The following FAM222A variants were observed in gnomAD, a reference collection of about 807,000 sequenced individuals.
FAM222A encodes the protein protein FAM222A.
In FAM222A, 7 loss-of-function variants were observed where a neutral mutation model predicts 25.8. The ratio of observed to expected loss-of-function variants is 0.27; its 90% CI spans 0.15 to 0.51. FAM222A has a LOEUF of 0.51. FAM222A is among the 20% of genes least tolerant of loss of function. The pLI, the probability that FAM222A is intolerant of heterozygous loss-of-function variation, is 0.97. For missense variants in FAM222A, 573 were observed against 640.5 expected (o/e 0.89, Z 1.14); for synonymous variants, 294 against 298.8 (o/e 0.98, Z 0.17).
chr12:109,768,162 C>T lies in FAM222A; in HGVS notation c.233C>T (p.Thr78Ile). 1 of 1,613,898 alleles carries T rather than the reference C, an allele frequency of 6.2e-7. No individual in the cohort carries two copies. The highest frequency in any genetic ancestry group is 8.5e-7 in the Non-Finnish European group (1 of 1,180,014). ...RVPQHKHLSR[T>I]VNGYDTSGQR... ...CCCCAGCACAAGCACCTCAGCCGCACAGTCAATGGCTATGACACCAGTGGC... is the reference window on the plus strand; with the variant it reads ...CCCCAGCACAAGCACCTCAGCCGCATAGTCAATGGCTATGACACCAGTGGC... The change falls in exon 3 of 3, where the codon ACA (threonine) becomes ATA (isoleucine). Residue 78 changes from threonine (T) to isoleucine (I), a missense_variant. This residue lies in a region of FAM222A where 112 missense variants were observed against 154.6 expected (regional missense o/e 0.72). Coordinates refer to ENST00000538780, the MANE Select transcript of FAM222A (RefSeq NM_032829.3).
chr12:109,736,370 T>G (rs1347940948), intron 1 of FAM222A, among the ~76,000 whole-genome samples: 1 of 152,224 alleles, frequency 6.6e-6, no homozygotes, highest in East Asian at 1.9e-4. Flanking sequence ...CCTGGCACTT[T>G]GTTGTAAGGA....
chr12:109,719,388 T>G (rs940154903), intron 1 of FAM222A, among the ~76,000 whole-genome samples: 1 of 152,144 alleles, frequency 6.6e-6, no homozygotes, highest in African/African-American at 2.4e-5. Flanking sequence ...TTCCCACTCC[T>G]CTTCCCACCC....
intron 1 of FAM222A, among the ~76,000 whole-genome samples, chr12:109,743,499 T>C (rs951040042): frequency 7.9e-5 from 12 of 152,068 alleles, no homozygotes; most frequent in African/African-American, 2.9e-4. Flanking sequence ...TGATGGCCCA[T>C]TGGGGCTGGG....
At chr12:109,741,532 C>G (rs1368457079) in intron 1 of FAM222A, among the ~76,000 whole-genome samples, 1 of 152,198 alleles carries the variant, frequency 6.6e-6, no homozygotes, top group Non-Finnish European at 1.5e-5. Context: ...GCGACCTGCC[C>G]CTTCCCCAAC....
At chr12:109,722,320 T>A (rs1887760088) in intron 1 of FAM222A, among the ~76,000 whole-genome samples, 1 of 152,214 alleles carries the variant, frequency 6.6e-6, no homozygotes, top group African/African-American at 2.4e-5. Flanking sequence ...GGCAGCTCTT[T>A]CAGCAGAGTA....
intron 2 of FAM222A, among the ~76,000 whole-genome samples, chr12:109,763,479 C>T (rs1243177266): frequency 6.6e-6 from 1 of 152,228 alleles, no homozygotes; most frequent in African/African-American, 2.4e-5. Context: ...GCTGCACTCT[C>T]ATCCAAAGGC....
intron 2 of FAM222A, among the ~76,000 whole-genome samples, chr12:109,748,781 G>C (rs1242201899): frequency 1.3e-5 from 2 of 152,030 alleles, no homozygotes; most frequent in East Asian, 1.9e-4. Context: ...TAATGATACT[G>C]TCTATCCCCT....
intron 2 of FAM222A, among the ~76,000 whole-genome samples, chr12:109,747,003 C>T (rs1888413851): frequency 6.6e-6 from 1 of 152,188 alleles, no homozygotes; most frequent in Non-Finnish European, 1.5e-5. Context: ...CTGAAATGCT[C>T]CAATGAGCAT....
At position 109,768,235 on chromosome 12, in the gene FAM222A, T is replaced by C. The variant is rs1313458709; in HGVS notation, c.306T>C (p.Leu102=). 1 of 1,611,284 alleles carries C rather than the reference T, an allele frequency of 6.2e-7. No individual in the cohort carries two copies. ...AGCACACCGCTGGCTACCAGGGCCT[T>C]CTGGCCATTGTCAAGGCCGCGGTTT... The part of the protein sequence containing the change: ...YPQHTAGYQG[L]LAIVKAAVSS... The change falls in exon 3 of 3, where the codon CTT becomes CTC. Residue 102 remains leucine, a synonymous_variant. Coordinates refer to ENST00000538780, the MANE Select transcript of FAM222A (RefSeq NM_032829.3).
chr12:109,759,929 G>A (rs927589289), intron 2 of FAM222A, among the ~76,000 whole-genome samples: 1 of 152,210 alleles, frequency 6.6e-6, no homozygotes, highest in African/African-American at 2.4e-5. Context: ...ATCTAGCCCA[G>A]GAGAAAAGTA....
intron 2 of FAM222A, among the ~76,000 whole-genome samples, chr12:109,752,559 A>G (rs1426329340): frequency 6.6e-6 from 1 of 152,218 alleles, no homozygotes; most frequent in Non-Finnish European, 1.5e-5. Context: ...CAGCCAAGGG[A>G]GAAAGGTCTC....
At chr12:109,759,440 C>T (rs1716995107) in intron 2 of FAM222A, among the ~76,000 whole-genome samples, 1 of 152,164 alleles carries the variant, frequency 6.6e-6, no homozygotes, top group South Asian at 2.1e-4. Flanking sequence ...CTGCCCTGCC[C>T]CCTCCTCAGC....
chr12:109,715,505 A>C (rs1217259126), intron 1 of FAM222A, among the ~76,000 whole-genome samples: 1 of 150,772 alleles, frequency 6.6e-6, no homozygotes, highest in Non-Finnish European at 1.5e-5. Context: ...ACTTGCCTTG[A>C]CCCAAGGCCG....
chr12:109,750,316 A>G (rs1174657608), intron 2 of FAM222A, among the ~76,000 whole-genome samples: 1 of 152,160 alleles, frequency 6.6e-6, no homozygotes, highest in Non-Finnish European at 1.5e-5. Flanking sequence ...CATATTTTCA[A>G]AACTCTATTG....
intron 1 of FAM222A, among the ~76,000 whole-genome samples, chr12:109,741,579 A>AG (rs1888241191): frequency 6.6e-6 from 1 of 152,174 alleles, no homozygotes; most frequent in South Asian, 2.1e-4. Flanking sequence ...TCAACTGCAA[A>AG]GCATGTGGGA....
Position 109,714,220 on chromosome 12 carries a change from G to A in FAM222A, c.-724G>A. On this transcript the variant is annotated 5_prime_UTR_variant, in exon 1 of 3. Transcript: ENST00000538780. This position sits in a 1 kb window ranked among gnomAD's most constrained non-coding sequence, Gnocchi z 4.2. The stretch of plus-strand genomic sequence containing the variant: ...GCCCGCTGCCGCCGCCGCCGCCGCT[G>A]CCGCCGCCGCTGTTCGCCGGCTTCC... The A allele has an allele frequency of 5.4e-6, 1 of 186,840 alleles. No individual in the cohort carries two copies. Among genetic ancestry groups the A allele is most frequent in the South Asian group, 5.9e-5 (1 of 16,890 alleles). 11.6% of individuals were successfully genotyped at this position (186,840 alleles called of 1,614,324 possible).
chr12:109,752,358 G>A (rs1312421376), intron 2 of FAM222A, among the ~76,000 whole-genome samples: 1 of 152,266 alleles, frequency 6.6e-6, no homozygotes, highest in Non-Finnish European at 1.5e-5. Flanking sequence ...GAGATAAGCA[G>A]CTAATTGAAT....
intron 1 of FAM222A, among the ~76,000 whole-genome samples, chr12:109,724,088 G>A (rs1887798665): frequency 6.6e-6 from 1 of 152,236 alleles, no homozygotes; most frequent in Admixed American, 6.5e-5. Context: ...GGGCAGAGAT[G>A]AGAGAATTCC....
intron 1 of FAM222A, among the ~76,000 whole-genome samples, chr12:109,723,571 G>T (rs1274006759): frequency 6.6e-6 from 1 of 152,222 alleles, no homozygotes; most frequent in Non-Finnish European, 1.5e-5. Flanking sequence ...TAGACCCGCA[G>T]TCAGGGCACC....
Sources: gnomAD v4.1 joint callset for allele counts (sites outside exome capture counted in the v4.1 genomes callset) on GRCh38, gnomAD v4.1.1 for gene constraint, gnomAD v4.1.1 regional missense constraint, Gnocchi (gnomAD v3.1) non-coding constraint, MANE v1.5 for transcripts, NCBI Gene and HGNC (gene_info 2026-07-23, HGNC 2026-07-21) for gene names.